PITPNC1: variants seen among roughly 807,000 people sequenced by gnomAD.
The protein encoded by PITPNC1 is phosphatidylinositol transfer protein cytoplasmic 1.
PITPNC1 carries 18 observed loss-of-function variants against 44.7 expected under a neutral mutation model. That is an observed-to-expected ratio of 0.40 (90% CI 0.28 to 0.60). The LOEUF is 0.60. PITPNC1 is among the 20% of genes least tolerant of loss of function. The probability of loss-of-function intolerance (pLI) is 0.39; values close to 1 mark genes in which losing one functional copy is unlikely to be tolerated. For missense variants in PITPNC1, 290 were observed against 418.4 expected (o/e 0.69, Z 2.68); for synonymous variants, 141 against 149.6 (o/e 0.94, Z 0.42).
At chr17:67,621,563 G>C (rs2041830793) in intron 5 of PITPNC1, among the ~76,000 whole-genome samples, 1 of 152,020 alleles carries the variant, frequency 6.6e-6, no homozygotes, top group Non-Finnish European at 1.5e-5. Flanking sequence ...ATATAATATC[G>C]ATTAAATTGT....
At chr17:67,419,953 C>T (rs917892227) in intron 1 of PITPNC1, among the ~76,000 whole-genome samples, 2 of 151,992 alleles carry the variant, frequency 1.3e-5, no homozygotes, top group Non-Finnish European at 1.5e-5. Context: ...AACCAGAACC[C>T]CTTTGTTTCA....
At chr17:67,463,621 T>C (rs943631380) in intron 1 of PITPNC1, among the ~76,000 whole-genome samples, 1 of 152,142 alleles carries the variant, frequency 6.6e-6, no homozygotes, top group Non-Finnish European at 1.5e-5. Flanking sequence ...TGTGTTTGGC[T>C]AGGCGCAGTG....
intron 6 of PITPNC1, among the ~76,000 whole-genome samples, chr17:67,653,925 G>A (rs986099760): frequency 1.3e-5 from 2 of 152,162 alleles, no homozygotes; most frequent in African/African-American, 2.4e-5. Flanking sequence ...GAAGGCTGCC[G>A]GACTTTGAGG....
chr17:67,517,458 C>A (rs7209236), intron 1 of PITPNC1, among the ~76,000 whole-genome samples: 104,589 of 152,154 alleles, frequency 0.69, 36,164 homozygotes, highest in East Asian at 0.77. Flanking sequence ...AAAGACTCAC[C>A]CACAAATACT....
intron 5 of PITPNC1, among the ~76,000 whole-genome samples, chr17:67,619,049 ACT>A (rs1451420919): frequency 1.3e-5 from 2 of 152,028 alleles, no homozygotes; most frequent in African/African-American, 4.8e-5. Context: ...ACAGAGTGAG[ACT>A]CTGTCTCAAA....
chr17:67,494,167 C>CTTTCTTTCTTTCTTTCTTTCTT (rs1555657752), intron 1 of PITPNC1, among the ~76,000 whole-genome samples: 1 of 62,448 alleles, frequency 1.6e-5, no homozygotes, highest in African/African-American at 6.4e-5. Flanking sequence ...TAACCTCTTT[C>CTTTCTTTCTTTCTTTCTTTCTT]TTTCTTTCTT....
chr17:67,444,992 A>G (rs1033787492), intron 1 of PITPNC1, among the ~76,000 whole-genome samples: 2 of 124,636 alleles, frequency 1.6e-5, no homozygotes, highest in African/African-American at 6.3e-5. Context: ...TGGGGTACAG[A>G]TGTTTATATG....
intron 1 of PITPNC1, among the ~76,000 whole-genome samples, chr17:67,437,596 C>A (rs1398514688): frequency 6.6e-6 from 1 of 152,172 alleles, no homozygotes; most frequent in African/African-American, 2.4e-5. Flanking sequence ...CTAAGCATCA[C>A]TGGTTTCTTA....
rs961182986 is a variant in PITPNC1 at position 67,586,669 on chromosome 17, C to G, written c.366+8412C>G. Among the ~76,000 whole-genome samples the G allele has an allele frequency of 7.9e-5, 12 of 152,264 alleles. No homozygotes were observed. The East Asian group carries it at 1.7e-3, about 22-fold the overall frequency. On this transcript the variant is annotated intron_variant, in intron 5 of 8. Coordinates refer to ENST00000581322, the MANE Select transcript of PITPNC1 (RefSeq NM_012417.4). ...TCTCAAATACCCTCTACCCAGTTTC[C>G]CCTTACCTAACCATGATTCCACTGC...
intron 1 of PITPNC1, among the ~76,000 whole-genome samples, chr17:67,462,128 G>A (rs941292652): frequency 1.3e-5 from 2 of 150,108 alleles, no homozygotes; most frequent in African/African-American, 4.9e-5. Context: ...TTGGTCCTTT[G>A]AACAGGAAGA....
At chr17:67,469,304 T>A (rs1399933567) in intron 1 of PITPNC1, among the ~76,000 whole-genome samples, 1 of 152,022 alleles carries the variant, frequency 6.6e-6, no homozygotes, top group South Asian at 2.1e-4. Context: ...TGTGCCATCC[T>A]CCCCCTTCTC....
At chr17:67,622,001 G>A (rs2144314209) in intron 5 of PITPNC1, among the ~76,000 whole-genome samples, 1 of 152,230 alleles carries the variant, frequency 6.6e-6, no homozygotes, top group Admixed American at 6.5e-5. Context: ...TTTAAAAAAA[G>A]ACTCACTCCT....
At chr17:67,494,161 C>CTCTT (rs1555657746) in intron 1 of PITPNC1, among the ~76,000 whole-genome samples, 2,671 of 102,902 alleles carry the variant, frequency 0.026, 141 homozygotes, top group South Asian at 0.039. Flanking sequence ...TATGTGTAAC[C>CTCTT]TCTTTCTTTC....
intron 5 of PITPNC1, among the ~76,000 whole-genome samples, chr17:67,624,214 CT>C (rs71139163): frequency 4.7e-5 from 6 of 127,114 alleles, no homozygotes; most frequent in Non-Finnish European, 6.3e-5. Flanking sequence ...TCTTTCTTTT[CT>C]TTTTTTTTTT....
At chr17:67,379,825 C>A (rs2037930297) in intron 1 of PITPNC1, among the ~76,000 whole-genome samples, 1 of 152,108 alleles carries the variant, frequency 6.6e-6, no homozygotes, top group South Asian at 2.1e-4. Flanking sequence ...AATGTTGGGA[C>A]TGCATGAAAT....
chr17:67,591,168 T>C (rs2041386976), intron 5 of PITPNC1, among the ~76,000 whole-genome samples: 1 of 152,074 alleles, frequency 6.6e-6, no homozygotes, highest in Admixed American at 6.6e-5. Context: ...CTAAATCTAA[T>C]CATAAGGAAA....
rs542112847 is a variant in PITPNC1 at position 67,589,714 on chromosome 17, TC to T, written c.366+11458del. On this transcript the variant is annotated intron_variant, in intron 5 of 8. Coordinates refer to ENST00000581322, the MANE Select transcript of PITPNC1 (RefSeq NM_012417.4). ...TGGGTGTGTTAGCTCACACCTATAA[TC>T]TCAGTACTTTGGGAAGCCAAAGTAG... Among the ~76,000 whole-genome samples the T allele has an allele frequency of 5.9e-5, 9 of 152,006 alleles. No individual in the cohort carries two copies. The South Asian group carries it at 1.9e-3, about 32-fold the overall frequency.
At chr17:67,674,741 C>T (rs934391295) in intron 7 of PITPNC1, among the ~76,000 whole-genome samples, 1 of 151,826 alleles carries the variant, frequency 6.6e-6, no homozygotes, top group Non-Finnish European at 1.5e-5. Flanking sequence ...CGGCCAGGTG[C>T]GGTGGCTCAC....
chr17:67,567,700 C>T (rs956206512), intron 4 of PITPNC1, among the ~76,000 whole-genome samples: 1 of 151,936 alleles, frequency 6.6e-6, no homozygotes, highest in Admixed American at 6.6e-5. Flanking sequence ...CATGGCCGGG[C>T]GCAGTGGCTC....
Sources: gnomAD v4.1 joint callset for allele counts (sites outside exome capture counted in the v4.1 genomes callset) on GRCh38, gnomAD v4.1.1 for gene constraint, MANE v1.5 for transcripts, NCBI Gene and HGNC (gene_info 2026-07-23, HGNC 2026-07-21) for gene names.